CASD1: variants seen among roughly 807,000 people sequenced by gnomAD.
The protein encoded by CASD1 is N-acetylneuraminate (7)9-O-acetyltransferase.
A neutral mutation model predicts 100.0 loss-of-function variants in CASD1; 41 were observed. That is an observed-to-expected ratio of 0.41 (90% CI 0.32 to 0.53). The LOEUF is 0.53. Among genes scored for constraint, CASD1 ranks in the 20% least tolerant of loss-of-function variants. The pLI, the probability that CASD1 is intolerant of heterozygous loss-of-function variation, is 0.25. For synonymous variants in CASD1, 321 were observed against 315.6 expected, an observed-to-expected ratio of 1.02 and a Z score of -0.18; for missense variants, 774 against 948.7, an observed-to-expected ratio of 0.82 and a Z score of 2.42.
In CASD1 at chr7:94,555,555, C is replaced by T; in HGVS notation, c.2191C>T (p.Pro731Ser). Reference sequence around the variant, plus strand: ...CACAAGGGGTATCTTGGTACTGATACCTGGAAACCCTATGCTCAACATCAT... The same window carrying T: ...CACAAGGGGTATCTTGGTACTGATATCTGGAAACCCTATGCTCAACATCAT... ...ADTRGILVLI[P>S]GNPMLNIIVS... Residue 731 changes from proline to serine, a missense_variant, in exon 18 of 18, where the codon CCT becomes TCT. Pro to Ser is a moderately conservative substitution (Grantham distance 74). This residue lies in a region of CASD1 where 175 missense variants were observed against 206.9 expected (regional missense o/e 0.85). Coordinates refer to ENST00000297273, the MANE Select transcript of CASD1 (RefSeq NM_022900.5). 6.2e-7 allele frequency: 1 copy of T among 1,613,334 alleles called. No homozygotes were observed. Among genetic ancestry groups the T allele is most frequent in the Non-Finnish European group, 8.5e-7 (1 of 1,179,628 alleles).
At chr7:94,565,301 A>C in the CASD1 span, among the ~76,000 whole-genome samples, 1 of 152,128 alleles carries the variant, frequency 6.6e-6, no homozygotes, top group African/African-American at 2.4e-5. Flanking sequence ...TAAGGGTCCT[A>C]AATTTAGCGT....
At chr7:94,587,845 A>G in the CASD1 span, 5 of 1,528,498 alleles carry the variant, frequency 3.3e-6, no homozygotes, top group Non-Finnish European at 4.4e-6. Context: ...TAGAGAAGAT[A>G]ATTTCTGAAT....
chr7:94,522,759 G>A (rs866844646), intron 3 of CASD1, among the ~76,000 whole-genome samples: 3 of 151,838 alleles, frequency 2.0e-5, no homozygotes, highest in African/African-American at 2.4e-5. Context: ...CCGGGTTCAC[G>A]CCATTCTCCC....
intron 14 of CASD1, 97 bp from the exon 15 acceptor site, chr7:94,551,241 T>C (rs1795930972): frequency 2.2e-6 from 2 of 919,930 alleles, no homozygotes; most frequent in African/African-American, 1.8e-5. Flanking sequence ...GCTTTTAACC[T>C]ACCTACTTTT....
chr7:94,587,377 T>C, the CASD1 span: 1 of 1,071,842 alleles, frequency 9.3e-7, no homozygotes, highest in Non-Finnish European at 1.1e-6. Context: ...TTTCTAGAAA[T>C]TGCCTGCTTC....
chr7:94,552,452 T>A lies in CASD1; in HGVS notation c.2034+25T>A, dbSNP rs547000514. On this transcript the variant is annotated intron_variant, in intron 16 of 17. Transcript: ENST00000297273. ...GGTACTATCTTGATTTAGAGAAATT[T>A]CTACATCTTAATTCTTGATAAGAAA... The A allele has an allele frequency of 5.7e-5, 87 of 1,532,544 alleles. No individual in the cohort carries two copies. In the East Asian group the frequency reaches 1.3e-3, roughly 23 times the overall value. 94.9% of individuals were successfully genotyped at this position (1,532,544 alleles called of 1,614,324 possible).
At chr7:94,545,844 T>C in intron 12 of CASD1, 143 bp downstream of exon 12, 1 of 521,422 alleles carries the variant, frequency 1.9e-6, no homozygotes, top group East Asian at 3.0e-5. Flanking sequence ...GAAATTCTGT[T>C]CTTAAACGAT....
chr7:94,601,568 G>C, the CASD1 span, among the ~76,000 whole-genome samples: 1 of 150,396 alleles, frequency 6.6e-6, no homozygotes, highest in African/African-American at 2.5e-5. Context: ...TTTATTGAAG[G>C]ACACTAAAAA....
intron 3 of CASD1, among the ~76,000 whole-genome samples, chr7:94,523,945 A>C (rs1794417437): frequency 6.6e-6 from 1 of 152,168 alleles, no homozygotes; most frequent in Non-Finnish European, 1.5e-5. Context: ...TCTCTAGGGA[A>C]AGGAAGGTCT....
chr7:94,590,252 T>G, the CASD1 span, among the ~76,000 whole-genome samples: 2 of 152,154 alleles, frequency 1.3e-5, no homozygotes, highest in Non-Finnish European at 2.9e-5. Context: ...GAAATGTTAT[T>G]AAAATTTTTA....
At chr7:94,511,158 T>C (rs915824282) in intron 1 of CASD1, among the ~76,000 whole-genome samples, 1 of 152,156 alleles carries the variant, frequency 6.6e-6, no homozygotes, top group African/African-American at 2.4e-5. Context: ...TTAATAATGA[T>C]AGGATCTTTT....
At chr7:94,528,085 T>C in intron 4 of CASD1, 103 bp from the exon 5 acceptor site, 1 of 790,518 alleles carries the variant, frequency 1.3e-6, no homozygotes, top group Non-Finnish European at 2.1e-6. Context: ...CAAGGTAGTG[T>C]TTTACTTTTA....
chr7:94,563,612 C>A, the CASD1 span, among the ~76,000 whole-genome samples: 11 of 152,086 alleles, frequency 7.2e-5, no homozygotes, highest in African/African-American at 2.4e-4. Flanking sequence ...TTATTTCTTA[C>A]ATTTTTTGTT....
intron 1 of CASD1, among the ~76,000 whole-genome samples, chr7:94,516,554 G>T (rs1445369540): frequency 6.6e-6 from 1 of 152,054 alleles, no homozygotes; most frequent in East Asian, 1.9e-4. Context: ...TATTGATAAA[G>T]AACTGGAGAT....
chr7:94,597,539 G>C, the CASD1 span: 1 of 151,038 alleles, frequency 6.6e-6, no homozygotes, highest in African/African-American at 2.4e-5. Context: ...GGGTGTGTAT[G>C]TGTCTGTGTG....
At chr7:94,629,471 C>T in the CASD1 span, 23 of 409,078 alleles carry the variant, frequency 5.6e-5, no homozygotes, top group Admixed American at 8.4e-4. Flanking sequence ...AGGTAGATCA[C>T]TTGTCAGAGA....
Position 94,546,586 on chromosome 7 carries a change from T to C in CASD1, c.1634-510T>C, listed in dbSNP as rs560706645. On this transcript the variant is annotated intron_variant, in intron 12 of 17. Transcript: ENST00000297273. ...AATTTCTCTATACAAACCCAGCATA[T>C]TAATCGAATAAACTATCAATAAACT... Among the ~76,000 whole-genome samples the C allele has an allele frequency of 4.9e-4, 75 of 152,026 alleles. 1 individual carries two copies. Among genetic ancestry groups the C allele is most frequent in the African/African-American group, 1.8e-3 (73 of 41,564 alleles).
At chr7:94,598,722 T>C in the CASD1 span, 8 of 1,161,712 alleles carry the variant, frequency 6.9e-6, no homozygotes, top group African/African-American at 7.6e-5. Context: ...TTTACAGATA[T>C]TAGTAAAAAT....
the CASD1 span, among the ~76,000 whole-genome samples, chr7:94,609,803 G>GT: frequency 6.6e-6 from 1 of 152,138 alleles, no homozygotes; most frequent in Non-Finnish European, 1.5e-5. Flanking sequence ...CAGCTTGGCA[G>GT]TTTCTTACAA....
Sources: gnomAD v4.1 joint callset for allele counts (sites outside exome capture counted in the v4.1 genomes callset) on GRCh38, gnomAD v4.1.1 for gene constraint, gnomAD v4.1.1 regional missense constraint, MANE v1.5 for transcripts, NCBI Gene and HGNC (gene_info 2026-07-23, HGNC 2026-07-21) for gene names.